Variants in GRIK3 observed in about 807,000 individuals in gnomAD.
GRIK3 encodes the protein glutamate receptor ionotropic, kainate 3.
A neutral mutation model predicts 102.5 loss-of-function variants in GRIK3; 29 were observed. That is an observed-to-expected ratio of 0.28 (90% CI 0.21 to 0.39). The LOEUF (loss-of-function observed/expected upper bound fraction) is 0.39. GRIK3 is among the 10% of genes least tolerant of loss of function. GRIK3 has a pLI of 1.00. For synonymous variants in GRIK3, 511 were observed against 504.9 expected (o/e 1.01, Z -0.16); for missense variants, 908 against 1,252.4 (o/e 0.73, Z 4.15).
At position 36,798,385 on chromosome 1, in the gene GRIK3, G is replaced by C. The variant is rs535190861; in HGVS notation, c.*3466C>G. The C allele has an allele frequency of 2.0e-5, 3 of 152,332 alleles. No individual in the cohort carries two copies. In the South Asian group the frequency reaches 6.2e-4, roughly 32 times the overall value. The allele number at this position is 152,332 out of a possible 1,614,324, so 9.4% of individuals were successfully genotyped here. On this transcript the variant is annotated 3_prime_UTR_variant, in exon 16 of 16. Transcript: ENST00000373091. ...GACAGTCCAGCATCTGCTCAGGCAG[G>C]TTCCTTCTTCTGCTCCATCCAAGCA...
intron 1 of GRIK3, among the ~76,000 whole-genome samples, chr1:36,994,902 C>T (rs1642404143): frequency 6.6e-6 from 1 of 152,206 alleles, no homozygotes; most frequent in African/African-American, 2.4e-5. Flanking sequence ...TTGGGAATCA[C>T]ACCTTTCTCT....
chr1:36,883,075 C>A (rs1191408528), intron 2 of GRIK3, among the ~76,000 whole-genome samples: 2 of 152,156 alleles, frequency 1.3e-5, no homozygotes, highest in Non-Finnish European at 2.9e-5. Flanking sequence ...TGTATTGAGG[C>A]CTGGCTGTCT....
chr1:36,954,096 A>T (rs79223081), intron 1 of GRIK3, among the ~76,000 whole-genome samples: 69 of 152,332 alleles, frequency 4.5e-4, no homozygotes, highest in African/African-American at 1.6e-3. Flanking sequence ...GACGAAGGGC[A>T]TCCTTTCCGC....
chr1:36,870,641 T>C (rs1640832691), intron 4 of GRIK3, among the ~76,000 whole-genome samples: 1 of 152,230 alleles, frequency 6.6e-6, no homozygotes. Flanking sequence ...TTCATTTAAA[T>C]CTGGCTTTGG....
chr1:36,859,233 A>G lies in GRIK3; in HGVS notation c.979T>C (p.Tyr327His). ...GVMMTDAALL[Y>H]DAVHIVSVCY... ...ACGGACACGATATGGACGGCGTCGT[A>G]CAGTAAGGCTGCATCAGTCTGCAGG... The change falls in exon 7 of 16, where the codon TAC becomes CAC. Residue 327 changes from tyrosine to histidine, a missense_variant. Tyr to His is a moderately conservative substitution (Grantham distance 83). Around this residue, in one of 3 missense-constraint regions of GRIK3, gnomAD observed 585 missense variants for 824.9 expected, o/e 0.71. Coordinates refer to ENST00000373091, the MANE Select transcript of GRIK3 (RefSeq NM_000831.4). 6.2e-7 allele frequency: 1 copy of G among 1,611,490 alleles called. No individual in the cohort carries two copies. The highest frequency in any genetic ancestry group is 1.3e-5 in the African/African-American group (1 of 74,986).
chr1:36,912,014 C>T (rs1311211000), intron 1 of GRIK3, among the ~76,000 whole-genome samples: 1 of 152,142 alleles, frequency 6.6e-6, no homozygotes, highest in Non-Finnish European at 1.5e-5. Flanking sequence ...GGGGCCCTTC[C>T]CCATCCAGCC....
rs532137288 is a variant in GRIK3 at position 36,978,069 on chromosome 1, C to T, written c.115+55925G>A. On this transcript the variant is annotated intron_variant, in intron 1 of 15. Transcript: ENST00000373091. ...TCTTTGTTATGCTAATGTCATAGCA[C>T]GACGCAATTTAAATAGCACTTCCAG... Among the ~76,000 whole-genome samples the T allele has an allele frequency of 2.5e-4, 38 of 152,336 alleles. No individual in the cohort carries two copies. In the East Asian group the frequency reaches 3.5e-3, roughly 14 times the overall value.
At chr1:36,967,542 G>A (rs1339775287) in intron 1 of GRIK3, among the ~76,000 whole-genome samples, 2 of 152,252 alleles carry the variant, frequency 1.3e-5, no homozygotes, top group Non-Finnish European at 2.9e-5. Context: ...GTCTGGAAAG[G>A]AGGAGGTAGG....
chr1:37,031,219 T>G (rs1413113951), intron 1 of GRIK3, among the ~76,000 whole-genome samples: 1 of 152,208 alleles, frequency 6.6e-6, no homozygotes, highest in Non-Finnish European at 1.5e-5. Flanking sequence ...CTTCCACATA[T>G]TCACATAAAA....
At chr1:36,954,265 G>A (rs1288841705) in intron 1 of GRIK3, among the ~76,000 whole-genome samples, 52 of 152,188 alleles carry the variant, frequency 3.4e-4, no homozygotes, top group Non-Finnish European at 2.9e-5. Flanking sequence ...TCTTGCCACT[G>A]CACTAGCCTA....
chr1:36,856,592 G>T (rs1195309941), intron 7 of GRIK3, among the ~76,000 whole-genome samples: 1 of 152,236 alleles, frequency 6.6e-6, no homozygotes, highest in Non-Finnish European at 1.5e-5. Context: ...CTGAGGTTCG[G>T]TTGTGGCCAG....
intron 10 of GRIK3, among the ~76,000 whole-genome samples, chr1:36,829,492 T>C (rs568408464): frequency 9.9e-5 from 15 of 152,256 alleles, no homozygotes; most frequent in African/African-American, 3.4e-4. Context: ...AATCATGTCC[T>C]GAATGACATC....
chr1:36,998,057 C>T (rs1417151781), intron 1 of GRIK3, among the ~76,000 whole-genome samples: 1 of 152,188 alleles, frequency 6.6e-6, no homozygotes, highest in African/African-American at 2.4e-5. Flanking sequence ...AGCTGACTGA[C>T]TGACTGACTG....
intron 10 of GRIK3, among the ~76,000 whole-genome samples, chr1:36,838,362 G>A (rs1311491948): frequency 6.6e-6 from 1 of 152,236 alleles, no homozygotes; most frequent in African/African-American, 2.4e-5. Context: ...AGGTACGGAT[G>A]TGAGTAGAAG....
rs116794299 is a variant in GRIK3, at chr1:36,945,786, G to A, written c.116-54690C>T. 6.7e-3 allele frequency among the ~76,000 whole-genome samples: 1,027 copies of A among 152,328 alleles called. 5 individuals carry two copies. Among genetic ancestry groups the A allele is most frequent in the Non-Finnish European group, 8.0e-3 (547 of 68,026 alleles). On this transcript the variant is annotated intron_variant, in intron 1 of 15. Transcript: ENST00000373091. ...GGAAACAGAAGCTCAGAGAGATTAC[G>A]TGACTTTCCCAAGGTCACACAGCTG...
chr1:36,905,992 G>T (rs1641280431), intron 1 of GRIK3, among the ~76,000 whole-genome samples: 1 of 152,160 alleles, frequency 6.6e-6, no homozygotes, highest in Non-Finnish European at 1.5e-5. Context: ...CAACAAGGAT[G>T]GTGACATGTC....
intron 5 of GRIK3, among the ~76,000 whole-genome samples, chr1:36,866,170 A>G (rs771238804): frequency 2.4e-4 from 36 of 152,240 alleles, no homozygotes; most frequent in Admixed American, 7.2e-4. Context: ...GTGAGCCACA[A>G]TGTCCAGCCC....
At chr1:36,957,590 C>T (rs796425347) in intron 1 of GRIK3, among the ~76,000 whole-genome samples, 1 of 103,834 alleles carries the variant, frequency 9.6e-6, no homozygotes, top group African/African-American at 3.5e-5. Context: ...CTGTGAGTCT[C>T]TGTGCCCCGT....
intron 1 of GRIK3, among the ~76,000 whole-genome samples, chr1:37,017,841 G>A (rs1435056992): frequency 6.6e-6 from 1 of 152,212 alleles, no homozygotes; most frequent in Non-Finnish European, 1.5e-5. Context: ...CTCCTGTCCA[G>A]TTCAAACTGA....
Sources: gnomAD v4.1 joint callset for allele counts (sites outside exome capture counted in the v4.1 genomes callset) on GRCh38, gnomAD v4.1.1 for gene constraint, gnomAD v4.1.1 regional missense constraint, MANE v1.5 for transcripts, NCBI Gene and HGNC (gene_info 2026-07-23, HGNC 2026-07-21) for gene names.